The following TFG variants were observed in gnomAD, a reference collection of about 807,000 sequenced individuals.
The protein encoded by TFG is trafficking from ER to golgi regulator.
A neutral mutation model predicts 51.4 loss-of-function variants in TFG; 22 were observed. The observed-to-expected ratio is 0.43, with a 90% confidence interval of 0.31 to 0.61. TFG has a LOEUF of 0.61. Ranked by LOEUF, TFG falls within the 20% of genes least tolerant of loss-of-function variation. The pLI, the probability that TFG is intolerant of heterozygous loss-of-function variation, is 0.12. For synonymous variants in TFG, 187 were observed against 165.6 expected (o/e 1.13, Z -0.99); for missense variants, 419 against 487.7 (o/e 0.86, Z 1.33).
intron 2 of TFG, among the ~76,000 whole-genome samples, chr3:100,714,976 T>TA (rs1288860971): frequency 2.2e-4 from 33 of 152,286 alleles, no homozygotes; most frequent in African/African-American, 2.4e-5. Flanking sequence ...ATTTTCTCTT[T>TA]AGGTGGTTAC....
At chr3:100,725,472 A>G (rs2095072537) in intron 3 of TFG, among the ~76,000 whole-genome samples, 1 of 151,710 alleles carries the variant, frequency 6.6e-6, no homozygotes, top group Admixed American at 6.6e-5. Flanking sequence ...GGTTAGGAGC[A>G]AAGATGAAAA....
intron 2 of TFG, among the ~76,000 whole-genome samples, chr3:100,718,463 C>T (rs770072237): frequency 1.3e-5 from 2 of 151,386 alleles, no homozygotes; most frequent in Non-Finnish European, 2.9e-5. Context: ...GGATTTTGTC[C>T]GTTGGTCACA....
At chr3:100,719,213 G>C (rs543050972) in intron 2 of TFG, among the ~76,000 whole-genome samples, 1 of 152,272 alleles carries the variant, frequency 6.6e-6, no homozygotes, top group Admixed American at 6.5e-5. Flanking sequence ...GGCCTCCCCA[G>C]GACAGAACTC....
At chr3:100,733,687 A>G (rs1400280724) in intron 5 of TFG, among the ~76,000 whole-genome samples, 7 of 152,124 alleles carry the variant, frequency 4.6e-5, no homozygotes, top group Admixed American at 2.0e-4. Context: ...TTTGGTTGAA[A>G]ACTAGACATT....
chr3:100,736,573 C>G lies in TFG; in HGVS notation c.581-3C>G. On this transcript the variant is annotated splice_region_variant and splice_polypyrimidine_tract_variant and intron_variant, in intron 5 of 7. Transcript: ENST00000240851. ...CTAAACTGACTTTTTTTTGACTATC[C>G]AGGGCCACCCAGTGCTCCTGCAGAA... 6.2e-7 allele frequency: 1 copy of G among 1,613,136 alleles called. No individual in the cohort carries two copies. Among genetic ancestry groups the G allele is most frequent in the Non-Finnish European group, 8.5e-7 (1 of 1,179,664 alleles).
At position 100,709,636 on chromosome 3, in the gene TFG, C is replaced by G. The variant is rs903270291; in HGVS notation, c.-129C>G. The G allele has an allele frequency of 1.3e-5, 2 of 151,364 alleles. No homozygotes were observed. Among genetic ancestry groups the G allele is most frequent in the Admixed American group, 1.3e-4 (2 of 15,226 alleles). 9.4% of individuals were successfully genotyped at this position (151,364 alleles called of 1,614,324 possible). A position where few individuals can be genotyped will look rare whatever the true frequency, so the allele number is the denominator to read the frequency against. ...CCGAGGGGGCCGTGACCACCGCCTC[C>G]CCGCGACGCCCCAGTCCAGTGGCCT... On this transcript the variant is annotated 5_prime_UTR_variant, in exon 1 of 8. Transcript: ENST00000240851.
At chr3:100,717,103 C>T (rs1274213696) in intron 2 of TFG, among the ~76,000 whole-genome samples, 3 of 152,152 alleles carry the variant, frequency 2.0e-5, no homozygotes, top group Non-Finnish European at 2.9e-5. Context: ...TTCATGAAAT[C>T]TTTTCCCGAC....
chr3:100,715,172 A>G (rs1329120289), intron 2 of TFG, among the ~76,000 whole-genome samples: 1 of 152,240 alleles, frequency 6.6e-6, no homozygotes, highest in Non-Finnish European at 1.5e-5. Flanking sequence ...GCTTAAAGTA[A>G]TGCCAGCAGA....
intron 1 of TFG, among the ~76,000 whole-genome samples, chr3:100,711,733 T>C (rs760538512): frequency 1.3e-5 from 2 of 152,226 alleles, no homozygotes; most frequent in Non-Finnish European, 2.9e-5. Flanking sequence ...TTTACACTTC[T>C]TGTAGGAAGG....
chr3:100,711,313 G>T (rs1383028910), intron 1 of TFG, among the ~76,000 whole-genome samples: 2 of 152,158 alleles, frequency 1.3e-5, no homozygotes, highest in Non-Finnish European at 2.9e-5. Flanking sequence ...CTGTTGATCG[G>T]TCTGGTCTTG....
At chr3:100,730,506 A>T (rs1156379443) in intron 4 of TFG, among the ~76,000 whole-genome samples, 1 of 152,222 alleles carries the variant, frequency 6.6e-6, no homozygotes, top group African/African-American at 2.4e-5. Context: ...TGATATAAGA[A>T]TAATACAATC....
chr3:100,717,028 A>G (rs562206606), intron 2 of TFG, among the ~76,000 whole-genome samples: 2 of 152,254 alleles, frequency 1.3e-5, no homozygotes, highest in East Asian at 3.9e-4. Context: ...CTGTGCAGAA[A>G]AGTTTTCCAG....
At chr3:100,719,830 C>T (rs1474154981) in intron 2 of TFG, 145 bp from the exon 3 acceptor site, 5 of 520,372 alleles carry the variant, frequency 9.6e-6, no homozygotes, top group Non-Finnish European at 1.3e-5. Flanking sequence ...TTTGCTAGAC[C>T]TTTAAAGTTT....
chr3:100,727,014 G>T (rs937047310), intron 3 of TFG, among the ~76,000 whole-genome samples: 3 of 152,186 alleles, frequency 2.0e-5, no homozygotes, highest in African/African-American at 7.2e-5. Context: ...TATTAGCCAG[G>T]ATAAAAGGTT....
At chr3:100,717,511 C>T (rs2095049393) in intron 2 of TFG, among the ~76,000 whole-genome samples, 1 of 150,240 alleles carries the variant, frequency 6.7e-6, no homozygotes, top group African/African-American at 2.4e-5. Flanking sequence ...GTCATTTTAA[C>T]AATATTTGTT....
Position 100,748,150 on chromosome 3 carries a change from A to C in TFG, c.822A>C (p.Ala274=). The C allele has an allele frequency of 6.2e-7, 1 of 1,608,720 alleles. No homozygotes were observed. The highest frequency in any genetic ancestry group is 8.5e-7 in the Non-Finnish European group (1 of 1,177,494). Reference sequence around the variant, plus strand: ...ATGTTATTTATTTTGCCTTTTCAGCAAGCTATAGTCAGCAGACTGGACCTC... The same window carrying C: ...ATGTTATTTATTTTGCCTTTTCAGCCAGCTATAGTCAGCAGACTGGACCTC... ...QPQQYGIQYS[A]SYSQQTGPQQ... The change falls in exon 8 of 8, where the codon GCA becomes GCC. Residue 274 remains alanine, a splice_region_variant and synonymous_variant. Coordinates refer to ENST00000240851, the MANE Select transcript of TFG (RefSeq NM_006070.6).
intron 6 of TFG, among the ~76,000 whole-genome samples, chr3:100,738,081 A>G (rs997309982): frequency 1.5e-4 from 4 of 27,482 alleles, no homozygotes; most frequent in African/African-American, 2.3e-4. Context: ...AAAACAAACA[A>G]AGCCAAAAAA....
Position 100,748,666 on chromosome 3 carries a change from T to A in TFG, c.*135T>A. ...TTTTTTATGATATCATTGTTGGTGT[T>A]AATTGAAAGTATAATTTGCTGGAAC... is the stretch of plus-strand genomic sequence containing the variant. On this transcript the variant is annotated 3_prime_UTR_variant, in exon 8 of 8. Coordinates refer to ENST00000240851, the MANE Select transcript of TFG (RefSeq NM_006070.6). 2 of 1,024,188 alleles carry A rather than the reference T, an allele frequency of 2.0e-6. No individual in the cohort carries two copies. The highest frequency in any genetic ancestry group is 2.7e-6 in the Non-Finnish European group (2 of 740,996). 63.4% of individuals were successfully genotyped at this position (1,024,188 alleles called of 1,614,324 possible).
chr3:100,721,148 C>G (rs975629645), intron 3 of TFG, among the ~76,000 whole-genome samples: 2 of 152,084 alleles, frequency 1.3e-5, no homozygotes, highest in Non-Finnish European at 2.9e-5. Flanking sequence ...TAACTATTGA[C>G]TAGGCATAAA....
Sources: allele counts gnomAD v4.1 joint callset (sites outside exome capture counted in the v4.1 genomes callset), GRCh38; gene constraint gnomAD v4.1.1; transcripts MANE v1.5; gene names NCBI Gene and HGNC (gene_info 2026-07-23, HGNC 2026-07-21).